Variants in THADA observed in about 807,000 individuals in gnomAD.
The protein encoded by THADA is tRNA (32-2'-O)-methyltransferase regulator THADA.
A neutral mutation model predicts 219.8 loss-of-function variants in THADA; 213 were observed. That is an observed-to-expected ratio of 0.97 (90% confidence interval 0.87 to 1.09). The LOEUF is 1.09. Ranked by LOEUF, THADA falls within the 50% of genes least tolerant of loss-of-function variation. The probability of loss-of-function intolerance (pLI) is 0.00; values close to 1 mark genes in which losing one functional copy is unlikely to be tolerated. For missense variants in THADA, 2,956 were observed against 2,311.3 expected, an observed-to-expected ratio of 1.28 and a Z score of -5.72; for synonymous variants, 1,018 against 828.9, an observed-to-expected ratio of 1.23 and a Z score of -3.92.
chr2:43,292,156 G>C lies in THADA; in HGVS notation c.4885C>G (p.Leu1629Val), dbSNP rs34600960. The C allele has an allele frequency of 5.0e-6, 8 of 1,612,322 alleles. No homozygotes were observed. The highest frequency in any genetic ancestry group is 5.9e-6 in the Non-Finnish European group (7 of 1,179,318). ...CAGATCAAGAACTCCTTTGGGGTCA[G>C]ATGGACACAGTGCTCCGTCTGGGGA... ...WLPQTEHCVHLTPKEFLIWTM... is the reference protein window; with the variant it reads ...WLPQTEHCVHVTPKEFLIWTM... The change falls in exon 33 of 38, where the codon CTG becomes GTG. Residue 1629 changes from leucine to valine, a missense_variant. Coordinates refer to ENST00000405975, the MANE Select transcript of THADA (RefSeq NM_022065.5).
At chr2:43,572,511 C>T (rs1406465182) in intron 12 of THADA, among the ~76,000 whole-genome samples, 1 of 152,202 alleles carries the variant, frequency 6.6e-6, no homozygotes, top group East Asian at 1.9e-4. Context: ...TGATCAGTCT[C>T]TTCTGAGCCT....
rs79983101 is a variant in THADA at position 43,572,558 on chromosome 2, G to A, written c.1908+256C>T. 5.7e-3 allele frequency among the ~76,000 whole-genome samples: 864 copies of A among 152,222 alleles called. 5 individuals are homozygous for A. Among genetic ancestry groups the A allele is most frequent in the African/African-American group, 0.02 (812 of 41,508 alleles). On this transcript the variant is annotated intron_variant, in intron 12 of 37. Coordinates refer to ENST00000405975, the MANE Select transcript of THADA (RefSeq NM_022065.5). ...CCTTATGTATTTAAGGGCACATGAT[G>A]GCATGCTTGTATCTGTATTGTCAGT... is the stretch of plus-strand genomic sequence containing the variant.
intron 28 of THADA, among the ~76,000 whole-genome samples, chr2:43,399,940 C>T (rs1024505897): frequency 4.6e-5 from 7 of 152,146 alleles, no homozygotes; most frequent in African/African-American, 1.4e-4. Flanking sequence ...TAGCAAATGA[C>T]CTCACTTAGT....
At chr2:43,448,069 TATA>T (rs1363063689) in intron 26 of THADA, among the ~76,000 whole-genome samples, 3 of 152,198 alleles carry the variant, frequency 2.0e-5, no homozygotes, top group African/African-American at 7.2e-5. Context: ...TTATTTCAAA[TATA>T]ATGCCAATTT....
In THADA at chr2:43,551,907, G is replaced by A. The variant is rs761525091; in HGVS notation, c.2829C>T (p.Ser943=). 16 of 1,613,206 alleles carry A rather than the reference G, an allele frequency of 9.9e-6. No homozygotes were observed. The Admixed American group carries it at 1.0e-4, about 10-fold the overall frequency. ...GCTTCTCTACCACAGGTCTCCACTC[G>A]CTCACCAACTGCAGGCTGCTGCAAC... ...KLSLNSLQLV[S]EWRPVVEKLL... Residue 943 remains serine (S), a synonymous_variant, in exon 19 of 38, where the codon AGC becomes AGT. Coordinates refer to ENST00000405975, the MANE Select transcript of THADA (RefSeq NM_022065.5).
At chr2:43,428,297 C>A (rs1033984894) in intron 27 of THADA, 66 bp from the exon 28 acceptor site, 23 of 1,444,764 alleles carry the variant, frequency 1.6e-5, no homozygotes, top group Non-Finnish European at 2.2e-5. Flanking sequence ...CTCCTTCAAA[C>A]ATTTTTCTCA....
At chr2:43,248,350 T>C (rs1669475772) in intron 36 of THADA, among the ~76,000 whole-genome samples, 1 of 151,636 alleles carries the variant, frequency 6.6e-6, no homozygotes, top group Admixed American at 6.6e-5. Flanking sequence ...CCACTTCAGC[T>C]TCCTGAGTAG....
intron 28 of THADA, among the ~76,000 whole-genome samples, chr2:43,407,646 A>C (rs1329990943): frequency 6.6e-6 from 1 of 152,164 alleles, no homozygotes; most frequent in East Asian, 1.9e-4. Context: ...TTTTGACAAT[A>C]ATCTGTTACA....
At chr2:43,535,301 G>A (rs1468657975) in intron 21 of THADA, among the ~76,000 whole-genome samples, 1 of 147,334 alleles carries the variant, frequency 6.8e-6, no homozygotes, top group Non-Finnish European at 1.5e-5. Context: ...TGGCTCTGTT[G>A]TTTCCTTTGC....
At chr2:43,378,989 A>G (rs1024979707) in intron 29 of THADA, among the ~76,000 whole-genome samples, 1 of 152,246 alleles carries the variant, frequency 6.6e-6, no homozygotes, top group African/African-American at 2.4e-5. Flanking sequence ...TGAGTAAGAC[A>G]GAAATCAAAA....
chr2:43,252,020 T>C lies in THADA; in HGVS notation c.5297-19138A>G, dbSNP rs1669860447. Among the ~76,000 whole-genome samples, 2 of 152,160 alleles carry C rather than the reference T, an allele frequency of 1.3e-5. 1 individual carries two copies. The highest frequency in any genetic ancestry group is 1.3e-4 in the Admixed American group (2 of 15,270). ...CTCTGACTTGGACGGAATAGCAAAC[T>C]CCTTCTGCCACTCCTAGATAATCCC... On this transcript the variant is annotated intron_variant, in intron 36 of 37. Transcript: ENST00000405975.
intron 26 of THADA, among the ~76,000 whole-genome samples, chr2:43,442,994 T>C (rs1681039118): frequency 6.6e-6 from 1 of 152,180 alleles, no homozygotes; most frequent in Non-Finnish European, 1.5e-5. Context: ...TTCCCTGATA[T>C]CTCAAGTCTA....
chr2:43,578,321 T>A (rs1371879254), intron 9 of THADA, among the ~76,000 whole-genome samples, 192 bp downstream of exon 9: 2 of 151,716 alleles, frequency 1.3e-5, no homozygotes, highest in East Asian at 1.9e-4. Flanking sequence ...TTTCTTTTTT[T>A]TTTTTTGTAG....
intron 29 of THADA, among the ~76,000 whole-genome samples, chr2:43,354,792 G>A (rs1333442564): frequency 1.3e-5 from 2 of 152,038 alleles, no homozygotes; most frequent in Non-Finnish European, 2.9e-5. Flanking sequence ...CTCATCTTGT[G>A]GTTCCCATAA....
At chr2:43,373,580 G>A (rs984226543) in intron 29 of THADA, among the ~76,000 whole-genome samples, 1 of 151,938 alleles carries the variant, frequency 6.6e-6, no homozygotes, top group Non-Finnish European at 1.5e-5. Flanking sequence ...GGGTTCAAGC[G>A]ATTCTCCTAC....
chr2:43,570,381 C>G lies in THADA; in HGVS notation c.2187+7G>C. 6.3e-7 allele frequency: 1 copy of G among 1,588,034 alleles called. No homozygotes were observed. The highest frequency in any genetic ancestry group is 8.5e-7 in the Non-Finnish European group (1 of 1,172,438). ...AAAACTCTCATGTTTAGAAATATAT[C>G]ACCTACCTTATACTGCTGTAAAGAA... On this transcript the variant is annotated splice_region_variant and intron_variant, in intron 14 of 37. Coordinates refer to ENST00000405975, the MANE Select transcript of THADA (RefSeq NM_022065.5).
intron 28 of THADA, among the ~76,000 whole-genome samples, chr2:43,415,062 C>T (rs992136450): frequency 2.0e-5 from 3 of 152,160 alleles, no homozygotes; most frequent in Admixed American, 6.5e-5. Context: ...CCCTTTGTTT[C>T]GAGTTCTACA....
At chr2:43,315,018 TGCCCCTA>T (rs751084480) in intron 31 of THADA, among the ~76,000 whole-genome samples, 6 of 152,246 alleles carry the variant, frequency 3.9e-5, no homozygotes, top group Non-Finnish European at 8.8e-5. Context: ...TCCTTGTTTA[TGCCCCTA>T]GCCCTTCAAC....
chr2:43,366,921 T>C (rs1344980092), intron 29 of THADA, among the ~76,000 whole-genome samples: 1 of 151,950 alleles, frequency 6.6e-6, no homozygotes, highest in African/African-American at 2.4e-5. Context: ...TTATTCACAA[T>C]AGCCAAAGGC....
Sources: allele counts gnomAD v4.1 joint callset (sites outside exome capture counted in the v4.1 genomes callset), GRCh38; gene constraint gnomAD v4.1.1; transcripts MANE v1.5; gene names NCBI Gene and HGNC (gene_info 2026-07-23, HGNC 2026-07-21).